SPRING1: variants seen among roughly 807,000 people sequenced by gnomAD.
The protein encoded by SPRING1 is SREBF pathway regulator in golgi 1, also known as SREBP regulating gene protein.
SPRING1 carries 14 observed loss-of-function variants against 24.7 expected under a neutral mutation model. The observed-to-expected ratio is 0.57, with a 90% CI of 0.37 to 0.88. The LOEUF (loss-of-function observed/expected upper bound fraction) is 0.88, where lower values mean the gene tolerates loss of function less well. SPRING1 is among the 40% of genes least tolerant of loss of function. SPRING1 has a pLI of 0.00. For synonymous variants in SPRING1, 93 were observed against 106.1 expected (o/e 0.88, Z 0.76); for missense variants, 255 against 268.4 (o/e 0.95, Z 0.35).
Position 116,712,031 on chromosome 12 carries a change from T to C in SPRING1, c.*5779A>G, listed in dbSNP as rs1869893091. On this transcript the variant is annotated 3_prime_UTR_variant, in exon 5 of 5. Transcript: ENST00000261318. ...AAAATTCCAAGAGTAAACTACCCTA[T>C]GAAAACCTCTGGCAGTGCTGATGAA... 6.6e-6 allele frequency: 1 copy of C among 152,216 alleles called. No individual in the cohort carries two copies. Among genetic ancestry groups the C allele is most frequent in the African/African-American group, 2.4e-5 (1 of 41,446 alleles). The allele number at this position is 152,216 out of a possible 1,614,324, so 9.4% of individuals were successfully genotyped here.
Position 116,712,093 on chromosome 12 carries a change from G to A in SPRING1, c.*5717C>T, listed in dbSNP as rs1869896259. On this transcript the variant is annotated 3_prime_UTR_variant, in exon 5 of 5. Coordinates refer to ENST00000261318, the MANE Select transcript of SPRING1 (RefSeq NM_024738.4). ...GGTAGTGATATGTCTTGGTCCCTCTGGTCTCACAGAATGTGTAGTCCTGAG... is the reference window on the plus strand; with the variant it reads ...GGTAGTGATATGTCTTGGTCCCTCTAGTCTCACAGAATGTGTAGTCCTGAG... 1 of 152,164 alleles carries A rather than the reference G, an allele frequency of 6.6e-6. No homozygotes were observed. The highest frequency in any genetic ancestry group is 1.5e-5 in the Non-Finnish European group (1 of 68,034). The allele number at this position is 152,164 out of a possible 1,614,324, so 9.4% of individuals were successfully genotyped here.
At chr12:116,719,230 CA>C (rs1870302367) in intron 4 of SPRING1, among the ~76,000 whole-genome samples, 1 of 151,974 alleles carries the variant, frequency 6.6e-6, no homozygotes, top group African/African-American at 2.4e-5. Context: ...TATTTAATGC[CA>C]AAAGAGTGAA....
At chr12:116,735,255 C>A (rs1871166321) in intron 1 of SPRING1, among the ~76,000 whole-genome samples, 1 of 152,092 alleles carries the variant, frequency 6.6e-6, no homozygotes, top group Admixed American at 6.5e-5. Flanking sequence ...AACACGAACA[C>A]ATTCAACGTC....
At chr12:116,719,300 G>A (rs1592915180) in intron 4 of SPRING1, among the ~76,000 whole-genome samples, 1 of 150,678 alleles carries the variant, frequency 6.6e-6, no homozygotes, top group Non-Finnish European at 1.5e-5. Context: ...AGATTTATTC[G>A]TGTATTTTTA....
In SPRING1 at chr12:116,711,633, C is replaced by T. The variant is rs1490025629; in HGVS notation, c.*6177G>A. The stretch of plus-strand genomic sequence containing the variant: ...TTAGACAACACTTTTTTCCCCTCCT[C>T]AGACAGGGTCTCACTCTGTGGCCCA... On this transcript the variant is annotated 3_prime_UTR_variant, in exon 5 of 5. Coordinates refer to ENST00000261318, the MANE Select transcript of SPRING1 (RefSeq NM_024738.4). The T allele has an allele frequency of 6.6e-6, 1 of 152,186 alleles. No homozygotes were observed. Among genetic ancestry groups the T allele is most frequent in the Non-Finnish European group, 1.5e-5 (1 of 68,066 alleles). 9.4% of individuals were successfully genotyped at this position (152,186 alleles called of 1,614,324 possible).
chr12:116,732,166 T>C (rs1325014377), intron 1 of SPRING1, among the ~76,000 whole-genome samples: 1 of 152,118 alleles, frequency 6.6e-6, no homozygotes, highest in African/African-American at 2.4e-5. Flanking sequence ...TTGGCTCAGT[T>C]AGTTCCCCAA....
intron 1 of SPRING1, among the ~76,000 whole-genome samples, chr12:116,725,974 G>T (rs999261072): frequency 6.6e-6 from 1 of 151,864 alleles, no homozygotes; most frequent in African/African-American, 2.4e-5. Flanking sequence ...GGCAAAAATT[G>T]TCCATAATCC....
Position 116,719,851 on chromosome 12 carries a change from T to A in SPRING1, c.446A>T (p.Asn149Ile), listed in dbSNP as rs114256458. The A allele has an allele frequency of 1.2e-6, 2 of 1,614,138 alleles. No homozygotes were observed. Among genetic ancestry groups the A allele is most frequent in the East Asian group, 2.2e-5 (1 of 44,880 alleles). The part of the protein sequence containing the change: ...NKQLLLERFL[N>I]RAAVAFQNLF... ...GTTCTGGAATGCCACGGCTGCCCGG[T>A]TGAGGAAGCGCTCCAGGAGAAGTTG... Residue 149 changes from asparagine to isoleucine, a missense_variant, in exon 4 of 5, where the codon AAC (asparagine) becomes ATC (isoleucine). Coordinates refer to ENST00000261318, the MANE Select transcript of SPRING1 (RefSeq NM_024738.4).
At chr12:116,724,577 C>T (rs745574790) in intron 1 of SPRING1, among the ~76,000 whole-genome samples, 9 of 151,804 alleles carry the variant, frequency 5.9e-5, no homozygotes, top group African/African-American at 1.5e-4. Context: ...ATTAGCCGGG[C>T]GTGGTGGTAG....
At chr12:116,727,774 A>G (rs1009537286) in intron 1 of SPRING1, among the ~76,000 whole-genome samples, 2 of 152,220 alleles carry the variant, frequency 1.3e-5, no homozygotes, top group Non-Finnish European at 2.9e-5. Flanking sequence ...AATGGCAGGA[A>G]GAAAATATGC....
intron 1 of SPRING1, among the ~76,000 whole-genome samples, chr12:116,724,782 CT>C (rs1870604154): frequency 6.6e-6 from 1 of 152,176 alleles, no homozygotes; most frequent in Non-Finnish European, 1.5e-5. Flanking sequence ...CGACTGATAG[CT>C]ATTTAACTAG....
chr12:116,718,039 C>T (rs896405028), intron 4 of SPRING1, 146 bp from the exon 5 acceptor site: 12 of 580,072 alleles, frequency 2.1e-5, no homozygotes, highest in Non-Finnish European at 3.4e-5. Flanking sequence ...ACTAAAGGCT[C>T]CAGGGCACTT....
rs1870183067 is a variant in SPRING1 at position 116,717,255 on chromosome 12, G to T, written c.*555C>A. ...ATAACTGCCTAGAGAGAATATTCACGTCCTAAAAGAGAAAATGTTGTATCT... is the reference window on the plus strand; with the variant it reads ...ATAACTGCCTAGAGAGAATATTCACTTCCTAAAAGAGAAAATGTTGTATCT... On this transcript the variant is annotated 3_prime_UTR_variant, in exon 5 of 5. Coordinates refer to ENST00000261318, the MANE Select transcript of SPRING1 (RefSeq NM_024738.4). This position sits in a 1 kb window ranked among gnomAD's most constrained non-coding sequence, Gnocchi z 4.2. The T allele has an allele frequency of 6.6e-6, 1 of 152,170 alleles. No homozygotes were observed. Among genetic ancestry groups the T allele is most frequent in the South Asian group, 2.1e-4 (1 of 4,838 alleles). The allele number at this position is 152,170 out of a possible 1,614,324, so 9.4% of individuals were successfully genotyped here. A position where few individuals can be genotyped will look rare whatever the true frequency, so the allele number is the denominator to read the frequency against.
At position 116,711,222 on chromosome 12, in the gene SPRING1, T is replaced by G. The variant is rs955796787; in HGVS notation, c.*6588A>C. ...AGGACAGGACAACACTCTCTCTCGCTCTCTCTCTTCCTTAAGAATAGTGAG... is the reference window on the plus strand; with the variant it reads ...AGGACAGGACAACACTCTCTCTCGCGCTCTCTCTTCCTTAAGAATAGTGAG... On this transcript the variant is annotated 3_prime_UTR_variant, in exon 5 of 5. Coordinates refer to ENST00000261318, the MANE Select transcript of SPRING1 (RefSeq NM_024738.4). The G allele has an allele frequency of 2.6e-5, 4 of 152,198 alleles. No individual in the cohort carries two copies. The highest frequency in any genetic ancestry group is 5.9e-5 in the Non-Finnish European group (4 of 68,076). The allele number at this position is 152,198 out of a possible 1,614,324, so 9.4% of individuals were successfully genotyped here.
At chr12:116,718,022 A>G (rs767824779) in intron 4 of SPRING1, 129 bp from the exon 5 acceptor site, 1 of 675,808 alleles carries the variant, frequency 1.5e-6, no homozygotes, top group Non-Finnish European at 2.3e-6. Flanking sequence ...GTCCATCTCC[A>G]AATGTCACTA....
chr12:116,735,394 C>T (rs1871172154), intron 1 of SPRING1, among the ~76,000 whole-genome samples: 1 of 152,058 alleles, frequency 6.6e-6, no homozygotes, highest in African/African-American at 2.4e-5. Context: ...GGTCGCACAG[C>T]GTTAAGGATG....
In SPRING1 at chr12:116,723,038, G is replaced by C. The variant is rs376066604; in HGVS notation, c.268+29C>G. ...GCCCAACCAGCCTACGCTCCTGACC[G>C]CCTGGAGAGGAAGGGAAGCCAGCCT... On this transcript the variant is annotated intron_variant, in intron 2 of 4. Coordinates refer to ENST00000261318, the MANE Select transcript of SPRING1 (RefSeq NM_024738.4). 5.0e-6 allele frequency: 8 copies of C among 1,611,952 alleles called. No individual in the cohort carries two copies. In the South Asian group the frequency reaches 6.6e-5, roughly 13 times the overall value.
intron 4 of SPRING1, 111 bp downstream of exon 4, chr12:116,719,652 G>A (rs1368802507): frequency 1.1e-5 from 9 of 810,424 alleles, no homozygotes; most frequent in South Asian, 5.1e-5. Context: ...ACACGGCTTC[G>A]AGTCTCTTCT....
chr12:116,719,373 T>C (rs1213202949), intron 4 of SPRING1, among the ~76,000 whole-genome samples: 1 of 152,152 alleles, frequency 6.6e-6, no homozygotes, highest in Non-Finnish European at 1.5e-5. Context: ...CCAGAACAAA[T>C]TGCTACTTAC....
Sources: allele counts gnomAD v4.1 joint callset (sites outside exome capture counted in the v4.1 genomes callset), GRCh38; gene constraint gnomAD v4.1.1; non-coding constraint Gnocchi (gnomAD v3.1); transcripts MANE v1.5; gene names NCBI Gene and HGNC (gene_info 2026-07-23, HGNC 2026-07-21).